KMT2D: variants seen among roughly 807,000 people sequenced by gnomAD.
KMT2D encodes the protein lysine methyltransferase 2D, also known as histone-lysine N-methyltransferase 2D.
Under a neutral mutation model 512.7 loss-of-function variants are expected in KMT2D, and 55 were observed. The observed-to-expected ratio is 0.11, with a 90% CI of 0.09 to 0.13. The LOEUF is 0.13. Among genes scored for constraint, KMT2D ranks in the 10% least tolerant of loss-of-function variants. The pLI, the probability that KMT2D is intolerant of heterozygous loss-of-function variation, is 1.00. For synonymous variants in KMT2D, 2,995 were observed against 2,904.0 expected, an observed-to-expected ratio of 1.03 and a Z score of -1.01; for missense variants, 6,061 against 7,127.9, an observed-to-expected ratio of 0.85 and a Z score of 5.39.
In KMT2D at chr12:49,054,440, G is replaced by C. The variant is rs1415054479; in HGVS notation, c.401-24C>G. 2 of 1,571,348 alleles carry C rather than the reference G, an allele frequency of 1.3e-6. No homozygotes were observed. The highest frequency in any genetic ancestry group is 1.9e-5 in the Admixed American group (1 of 53,118). On this transcript the variant is annotated intron_variant, in intron 4 of 54. Coordinates refer to ENST00000301067, the MANE Select transcript of KMT2D (RefSeq NM_003482.4). This position sits in a 1 kb window ranked among gnomAD's most constrained non-coding sequence, Gnocchi z 6.4. Reference sequence around the variant, plus strand: ...CCCTTTACAGGTGGGAAGAGGTAAAGAGAAAGGAAAGAATTAACAAAAAGA... The same window carrying C: ...CCCTTTACAGGTGGGAAGAGGTAAACAGAAAGGAAAGAATTAACAAAAAGA...
chr12:49,039,650 A>G lies in KMT2D; in HGVS notation c.8047-33T>C. 1 of 1,603,496 alleles carries G rather than the reference A, an allele frequency of 6.2e-7. No individual in the cohort carries two copies. Among genetic ancestry groups the G allele is most frequent in the Non-Finnish European group, 8.5e-7 (1 of 1,176,616 alleles). On this transcript the variant is annotated intron_variant, in intron 32 of 54. Coordinates refer to ENST00000301067, the MANE Select transcript of KMT2D (RefSeq NM_003482.4). The surrounding 1 kb of genome is among the most constrained non-coding windows in gnomAD (Gnocchi z 5.0). ...AAAAAAAGAGAAGAGGAATAAGCCC[A>G]TTCTACTCCAATCATAGGGCTGCCC...
At position 49,040,661 on chromosome 12, in the gene KMT2D, C is replaced by A. The variant is rs373234419; in HGVS notation, c.7109G>T (p.Arg2370Leu). The A allele has an allele frequency of 6.2e-7, 1 of 1,613,530 alleles. No individual in the cohort carries two copies. The highest frequency in any genetic ancestry group is 8.5e-7 in the Non-Finnish European group (1 of 1,179,766). Reference protein sequence around the residue: ...PSPPSHPDIFRPGSYTDPYAQ... With the variant: ...PSPPSHPDIFLPGSYTDPYAQ... ...ATATGGGTCAGTGTAGGAGCCAGGG[C>A]GAAAGATGTCTGGGTGACTTGGAGG... is the stretch of plus-strand genomic sequence containing the variant. The change falls in exon 32 of 55, where the codon CGC becomes CTC. Residue 2370 changes from arginine (R) to leucine (L), a missense_variant. By Grantham distance (102) the Arg-to-Leu change is moderately radical. Around this residue, in one of 16 missense-constraint regions of KMT2D, gnomAD observed 710 missense variants for 647.3 expected, o/e 1.10. Transcript: ENST00000301067.
rs373810027 is a variant in KMT2D at position 49,033,285 on chromosome 12, A to C, written c.11420T>G (p.Val3807Gly). 5 of 1,577,588 alleles carry C rather than the reference A, an allele frequency of 3.2e-6. No individual in the cohort carries two copies. In the African/African-American group the frequency reaches 5.4e-5, roughly 17 times the overall value. Residue 3807 changes from valine (V) to glycine (G), a missense_variant, in exon 40 of 55, where the codon GTG (valine) becomes GGG (glycine). Val to Gly is a moderately radical substitution (Grantham distance 109). Coordinates refer to ENST00000301067, the MANE Select transcript of KMT2D (RefSeq NM_003482.4). The part of the protein sequence containing the change: ...GPQGMLGPAQ[V>G]AVLQQQHPGA... ...AGGGTGCTGCTGCTGCAACACAGCC[A>C]CCTGGGCAGGGCCCAGCATGCCCTG...
rs1187814622 is a variant in KMT2D at position 49,030,636 on chromosome 12, T to A, written c.13804A>T (p.Thr4602Ser). 1 of 1,602,540 alleles carries A rather than the reference T, an allele frequency of 6.2e-7. No homozygotes were observed. The highest frequency in any genetic ancestry group is 8.5e-7 in the Non-Finnish European group (1 of 1,174,132). Reference protein sequence around the residue: ...RGAFGSGALPTGPDYYSQLLT... With the variant: ...RGAFGSGALPSGPDYYSQLLT... The stretch of plus-strand genomic sequence containing the variant: ...AGCTGGGAATAGTAGTCAGGGCCAG[T>A]GGGCAGCGCCCCACTTCCAAAGGCC... Residue 4602 changes from threonine (T) to serine (S), a missense_variant, in exon 42 of 55, where the codon ACT becomes TCT. Physicochemically the swap from Thr to Ser is moderately conservative, Grantham distance 58 (BLOSUM62 1). Coordinates refer to ENST00000301067, the MANE Select transcript of KMT2D (RefSeq NM_003482.4).
chr12:49,047,606 G>A (rs915551505), intron 15 of KMT2D, among the ~76,000 whole-genome samples: 1 of 151,484 alleles, frequency 6.6e-6, no homozygotes, highest in Non-Finnish European at 1.5e-5. Flanking sequence ...TTTTAGAAGA[G>A]ACGGGGTTTC....
At position 49,031,860 on chromosome 12, in the gene KMT2D, C is replaced by A. The variant is rs1020472849; in HGVS notation, c.12845G>T (p.Arg4282Leu). 3 of 1,540,084 alleles carry A rather than the reference C, an allele frequency of 1.9e-6. No homozygotes were observed. The highest frequency in any genetic ancestry group is 1.4e-5 in the African/African-American group (1 of 72,486). ...AGGGAGCCGGGGTGGGCCCTGAGGT[C>A]GAGGCCCTGCCCCTAGCTCCTGGAG... ...GPLQELGAGP[R>L]PQGPPRLPAP... Residue 4282 changes from arginine (R) to leucine (L), a missense_variant, in exon 40 of 55, where the codon CGA becomes CTA. Transcript: ENST00000301067.
rs758221618 is a variant in KMT2D at position 49,046,065 on chromosome 12, C to A, written c.4693G>T (p.Ala1565Ser). 8 of 1,611,730 alleles carry A rather than the reference C, an allele frequency of 5.0e-6. No individual in the cohort carries two copies. Among genetic ancestry groups the A allele is most frequent in the Non-Finnish European group, 6.8e-6 (8 of 1,178,814 alleles). Reference protein sequence around the residue: ...SCQPYVVKPVAPVAPPELVPM... With the variant: ...SCQPYVVKPVSPVAPPELVPM... ...CCCCTACCCAGCAGCTGGTACTCAC[C>A]CACAGGCTTTACCACGTAGGGCTGG... The change falls in exon 18 of 55, where the codon GCG becomes TCG. Residue 1565 changes from alanine to serine, a missense_variant and splice_region_variant. Around this residue, in one of 16 missense-constraint regions of KMT2D, gnomAD observed 640 missense variants for 814.3 expected, o/e 0.79. Transcript: ENST00000301067. The surrounding 1 kb of genome is among the most constrained non-coding windows in gnomAD (Gnocchi z 4.2).
rs778793714 is a variant in KMT2D, at chr12:49,030,934, C to T, written c.13630G>A (p.Gly4544Arg). Reference sequence around the variant, plus strand: ...AGCAAGGCCTCGCTGGCCCTGACCCCGTCCTCCTTCCGCAGCTTCTTTCGG... The same window carrying T: ...AGCAAGGCCTCGCTGGCCCTGACCCTGTCCTCCTTCCGCAGCTTCTTTCGG... ...SSRKKLRKED[G>R]VRASEALLKQ... Residue 4544 changes from glycine (G) to arginine (R), a missense_variant, in exon 41 of 55, where the codon GGG (glycine) becomes AGG (arginine). Coordinates refer to ENST00000301067, the MANE Select transcript of KMT2D (RefSeq NM_003482.4). The T allele has an allele frequency of 1.2e-6, 2 of 1,613,980 alleles. No individual in the cohort carries two copies. The highest frequency in any genetic ancestry group is 2.2e-5 in the East Asian group (1 of 44,886).
At position 49,044,964 on chromosome 12, in the gene KMT2D, C is replaced by A. The variant is rs753048132; in HGVS notation, c.4743G>T (p.Glu1581Asp). Residue 1581 changes from glutamate (E) to aspartate (D), a missense_variant and splice_region_variant, in exon 20 of 55, where the codon GAG (glutamate) becomes GAT (aspartate). Coordinates refer to ENST00000301067, the MANE Select transcript of KMT2D (RefSeq NM_003482.4). The surrounding 1 kb of genome is among the most constrained non-coding windows in gnomAD (Gnocchi z 6.4). ...ELVPMKVKEP[E>D]PQYFRFEGVW... ...CACCTTCGAAGCGAAAGTACTGGGG[C>A]TCTGCATAAGAGGAAAGAGTATGTG... is the stretch of plus-strand genomic sequence containing the variant. The A allele has an allele frequency of 2.5e-6, 4 of 1,613,338 alleles. No individual in the cohort carries two copies. The South Asian group carries it at 4.4e-5, about 18-fold the overall frequency.
rs1264342770 is a variant in KMT2D at position 49,022,288 on chromosome 12, G to T, written c.16404C>A (p.Gly5468=). 2.5e-6 allele frequency: 4 copies of T among 1,605,204 alleles called. No homozygotes were observed. The highest frequency in any genetic ancestry group is 3.4e-6 in the Non-Finnish European group (4 of 1,172,582). The change falls in exon 53 of 55, where the codon GGC becomes GGA. Residue 5468 remains glycine, a synonymous_variant. Transcript: ENST00000301067. This position sits in a 1 kb window ranked among gnomAD's most constrained non-coding sequence, Gnocchi z 8.6. Reference sequence around the variant, plus strand: ...TCCTCGTCATCTCTCACCTGGCAGGGCCGCCGGTCAACGTAGCATCAATCA... The same window carrying T: ...TCCTCGTCATCTCTCACCTGGCAGGTCCGCCGGTCAACGTAGCATCAATCA... The part of the protein sequence containing the change: ...EHVIDATLTG[G]PARYINHSCA...
chr12:49,019,798 A>G lies in KMT2D; in HGVS notation c.*1982T>C. 5.7e-6 allele frequency: 1 copy of G among 176,312 alleles called. No homozygotes were observed. The highest frequency in any genetic ancestry group is 1.2e-5 in the Non-Finnish European group (1 of 84,266). The allele number at this position is 176,312 out of a possible 1,614,324, so 10.9% of individuals were successfully genotyped here. On this transcript the variant is annotated 3_prime_UTR_variant, in exon 55 of 55. Transcript: ENST00000301067. ...TTGAAACAGTTGAGGAAGCAGCTTT[A>G]AAAAAAAAAAATCTCCCTACCCCCA...
Position 49,044,706 on chromosome 12 carries a change from C to T in KMT2D, c.4963+38G>A, listed in dbSNP as rs1443183770. ...ACATCCCACTCCCAGAGTCACGCTC[C>T]CCCTACTCTGCCGCTCCCTAAGATT... On this transcript the variant is annotated intron_variant, in intron 20 of 54. Coordinates refer to ENST00000301067, the MANE Select transcript of KMT2D (RefSeq NM_003482.4). The surrounding 1 kb of genome is among the most constrained non-coding windows in gnomAD (Gnocchi z 6.4). The T allele has an allele frequency of 1.3e-6, 2 of 1,591,068 alleles. No individual in the cohort carries two copies. Among genetic ancestry groups the T allele is most frequent in the African/African-American group, 1.3e-5 (1 of 74,610 alleles).
chr12:49,049,048 C>T, intron 13 of KMT2D, 57 bp downstream of exon 13: 1 of 1,108,828 alleles, frequency 9.0e-7, no homozygotes, highest in Non-Finnish European at 1.4e-6. Context: ...ACTGGCAGGA[C>T]TCAGAGGGTG....
intron 1 of KMT2D, among the ~76,000 whole-genome samples, chr12:49,059,302 G>C (rs1158500975): frequency 6.6e-6 from 1 of 152,046 alleles, no homozygotes; most frequent in East Asian, 1.9e-4. Flanking sequence ...CTGGCATCAG[G>C]GCCCGGGTCC....
chr12:49,057,556 G>A (rs980484267), intron 1 of KMT2D, among the ~76,000 whole-genome samples: 1 of 152,212 alleles, frequency 6.6e-6, no homozygotes, highest in Non-Finnish European at 1.5e-5. Context: ...GAAGATGAGA[G>A]ATTAAGAAGC....
At chr12:49,048,962 C>A (rs551009905) in intron 13 of KMT2D, 143 bp downstream of exon 13, 1 of 687,772 alleles carries the variant, frequency 1.5e-6, no homozygotes, top group Non-Finnish European at 2.6e-6. Flanking sequence ...GAAAAACCTG[C>A]GGGCCAAGTG....
In KMT2D at chr12:49,021,574, G is replaced by A; in HGVS notation, c.*206C>T. On this transcript the variant is annotated 3_prime_UTR_variant, in exon 55 of 55. Coordinates refer to ENST00000301067, the MANE Select transcript of KMT2D (RefSeq NM_003482.4). ...GGCAGAGATGCCAGCCTGAGGGCCG[G>A]TGGTGGGGAAGAGGATTGTCCCTGG... is the stretch of plus-strand genomic sequence containing the variant. The A allele has an allele frequency of 1.8e-6, 1 of 560,280 alleles. No homozygotes were observed. Among genetic ancestry groups the A allele is most frequent in the Non-Finnish European group, 3.2e-6 (1 of 315,722 alleles). 34.7% of individuals were successfully genotyped at this position (560,280 alleles called of 1,614,324 possible).
In KMT2D at chr12:49,053,119, A is replaced by T. The variant is rs2120693532; in HGVS notation, c.955-47T>A. 5 of 1,613,384 alleles carry T rather than the reference A, an allele frequency of 3.1e-6. No homozygotes were observed. In the South Asian group the frequency reaches 5.5e-5, roughly 18 times the overall value. On this transcript the variant is annotated intron_variant, in intron 8 of 54. Coordinates refer to ENST00000301067, the MANE Select transcript of KMT2D (RefSeq NM_003482.4). Reference sequence around the variant, plus strand: ...AACAGGCATTGGTCAGACAGCAAAGACTAAACGAAAGTACACAACTTGTCA... The same window carrying T: ...AACAGGCATTGGTCAGACAGCAAAGTCTAAACGAAAGTACACAACTTGTCA...
rs1320208284 is a variant in KMT2D, at chr12:49,059,733, C to G, written c.-158G>C. On this transcript the variant is annotated 5_prime_UTR_variant, in exon 1 of 55. Coordinates refer to ENST00000301067, the MANE Select transcript of KMT2D (RefSeq NM_003482.4). ...CCCCGCACGGGGGGGCTTAGGGGGGCCAAGAACGGTAAATCCAGGTCGGAG... is the reference window on the plus strand; with the variant it reads ...CCCCGCACGGGGGGGCTTAGGGGGGGCAAGAACGGTAAATCCAGGTCGGAG... 1 of 151,862 alleles carries G rather than the reference C, an allele frequency of 6.6e-6. No individual in the cohort carries two copies. Among genetic ancestry groups the G allele is most frequent in the Admixed American group, 6.6e-5 (1 of 15,244 alleles). The allele number at this position is 151,862 out of a possible 1,614,324, so 9.4% of individuals were successfully genotyped here. A position where few individuals can be genotyped will look rare whatever the true frequency, so the allele number is the denominator to read the frequency against.
Sources: gnomAD v4.1 joint callset for allele counts (sites outside exome capture counted in the v4.1 genomes callset) on GRCh38, gnomAD v4.1.1 for gene constraint, gnomAD v4.1.1 regional missense constraint, Gnocchi (gnomAD v3.1) non-coding constraint, MANE v1.5 for transcripts, NCBI Gene and HGNC (gene_info 2026-07-23, HGNC 2026-07-21) for gene names.